Variants in ADCY2 observed in about 807,000 individuals in gnomAD.
The protein encoded by ADCY2 is adenylate cyclase 2, also known as adenylate cyclase type 2.
In ADCY2, 31 loss-of-function variants were observed where a neutral mutation model predicts 125.2. That is an observed-to-expected ratio of 0.25 (90% CI 0.19 to 0.33). The LOEUF is 0.33. Ranked by LOEUF, ADCY2 falls within the 10% of genes least tolerant of loss-of-function variation. The pLI is 1.00. For synonymous variants in ADCY2, 512 were observed against 548.4 expected (o/e 0.93, Z 0.93); for missense variants, 904 against 1,418.2 (o/e 0.64, Z 5.82).
chr5:7,732,244 A>G (rs1742125222), intron 14 of ADCY2, among the ~76,000 whole-genome samples: 1 of 152,218 alleles, frequency 6.6e-6, no homozygotes, highest in Non-Finnish European at 1.5e-5. Context: ...AATTTTCAAA[A>G]CTGACCTTTT....
chr5:7,730,996 A>G (rs958479942), intron 14 of ADCY2, among the ~76,000 whole-genome samples: 5 of 152,020 alleles, frequency 3.3e-5, no homozygotes, highest in Non-Finnish European at 5.9e-5. Flanking sequence ...TCGATTGTCT[A>G]TTCTTTCCTC....
intron 7 of ADCY2, among the ~76,000 whole-genome samples, chr5:7,704,555 T>C (rs1381260512): frequency 6.6e-6 from 1 of 152,164 alleles, no homozygotes; most frequent in Admixed American, 6.5e-5. Context: ...TTTCTATAGA[T>C]CATGTAAATT....
At chr5:7,616,449 A>G (rs763868853) in intron 3 of ADCY2, among the ~76,000 whole-genome samples, 23 of 152,138 alleles carry the variant, frequency 1.5e-4, no homozygotes, top group Non-Finnish European at 2.9e-4. Flanking sequence ...GTTGAGTTCT[A>G]TTGTTGGCTT....
intron 4 of ADCY2, among the ~76,000 whole-genome samples, chr5:7,681,065 T>C (rs1740313413): frequency 6.6e-6 from 1 of 152,206 alleles, no homozygotes; most frequent in Non-Finnish European, 1.5e-5. Flanking sequence ...CTGCAGTCAT[T>C]GAGTTACATT....
At position 7,768,466 on chromosome 5, in the gene ADCY2, C is replaced by T. The variant is rs965872378; in HGVS notation, c.2214+1660C>T. On this transcript the variant is annotated intron_variant, in intron 17 of 24. Transcript: ENST00000338316. ...AGAGAGTGCACCGACCAAACAGTCC[C>T]CCTTTCGCATTCACGTGGCACTTTG... is the stretch of plus-strand genomic sequence containing the variant. Among the ~76,000 whole-genome samples, 18 of 152,218 alleles carry T rather than the reference C, an allele frequency of 1.2e-4. No individual in the cohort carries two copies. The East Asian group carries it at 1.9e-3, about 16-fold the overall frequency.
At chr5:7,654,268 T>A (rs1229020841) in intron 4 of ADCY2, 4 of 405,268 alleles carry the variant, frequency 9.9e-6, no homozygotes, top group Non-Finnish European at 2.0e-5. Flanking sequence ...ATGGCCTGTG[T>A]CCTAACAAGA....
intron 2 of ADCY2, 96 bp from the exon 3 acceptor site, chr5:7,520,642 A>G (rs1354477547): frequency 3.7e-6 from 5 of 1,360,612 alleles, no homozygotes; most frequent in African/African-American, 1.4e-5. Flanking sequence ...AGCATGTCTC[A>G]TGCTGTTCTA....
chr5:7,616,907 A>C (rs1252238590), intron 3 of ADCY2, among the ~76,000 whole-genome samples: 1 of 152,156 alleles, frequency 6.6e-6, no homozygotes, highest in East Asian at 1.9e-4. Flanking sequence ...GGAGATTAGG[A>C]CACACAGAGA....
intron 14 of ADCY2, among the ~76,000 whole-genome samples, chr5:7,735,043 C>A (rs1034733057): frequency 6.6e-6 from 1 of 152,136 alleles, no homozygotes; most frequent in African/African-American, 2.4e-5. Flanking sequence ...TTCCCTAATA[C>A]CATCACATTG....
At chr5:7,586,128 A>G (rs538448041) in intron 3 of ADCY2, among the ~76,000 whole-genome samples, 28 of 152,324 alleles carry the variant, frequency 1.8e-4, no homozygotes, top group African/African-American at 6.5e-4. Context: ...AACTTGGCTT[A>G]TATTTTTCCC....
intron 2 of ADCY2, among the ~76,000 whole-genome samples, chr5:7,499,662 T>TATATATATATATAC (rs1488431084): frequency 6.5e-4 from 77 of 118,984 alleles, no homozygotes; most frequent in Middle Eastern, 4.2e-3. Flanking sequence ...TATATATATA[T>TATATATATATATAC]ATATATATAT....
chr5:7,489,081 G>T (rs866431203), intron 2 of ADCY2, among the ~76,000 whole-genome samples: 1 of 152,228 alleles, frequency 6.6e-6, no homozygotes, highest in East Asian at 1.9e-4. Context: ...TTCCTGCCCT[G>T]CCCAGAGCAC....
intron 2 of ADCY2, among the ~76,000 whole-genome samples, chr5:7,431,366 C>G (rs1418824848): frequency 6.6e-6 from 1 of 152,102 alleles, no homozygotes; most frequent in African/African-American, 2.4e-5. Context: ...AACTTCTACT[C>G]TTACCTCACA....
chr5:7,526,044 C>G (rs756476514), intron 3 of ADCY2, among the ~76,000 whole-genome samples: 7 of 152,174 alleles, frequency 4.6e-5, no homozygotes, highest in Non-Finnish European at 7.3e-5. Context: ...GTGTGGCTGC[C>G]CCTCACCTGG....
At chr5:7,704,737 G>A (rs1741206917) in intron 7 of ADCY2, among the ~76,000 whole-genome samples, 1 of 152,062 alleles carries the variant, frequency 6.6e-6, no homozygotes, top group South Asian at 2.1e-4. Context: ...AATTAGCTGG[G>A]CGGTTTGGCG....
chr5:7,403,630 C>G (rs1027538449), intron 1 of ADCY2, among the ~76,000 whole-genome samples: 1 of 152,130 alleles, frequency 6.6e-6, no homozygotes, highest in African/African-American at 2.4e-5. Context: ...TAATTCCATT[C>G]TACTCTCTAT....
chr5:7,786,785 T>G (rs1448481547), intron 19 of ADCY2, among the ~76,000 whole-genome samples: 4 of 152,154 alleles, frequency 2.6e-5, no homozygotes. Context: ...ATGAAGCTGT[T>G]GTTTTGTAGG....
intron 3 of ADCY2, among the ~76,000 whole-genome samples, chr5:7,543,133 A>G (rs977301101): frequency 6.6e-6 from 1 of 152,232 alleles, no homozygotes; most frequent in African/African-American, 2.4e-5. Flanking sequence ...AAAAATATGC[A>G]TATATATGTT....
chr5:7,806,372 C>G (rs2126526360), intron 22 of ADCY2, among the ~76,000 whole-genome samples: 1 of 152,122 alleles, frequency 6.6e-6, no homozygotes, highest in South Asian at 2.1e-4. Flanking sequence ...CTGCCTCAGG[C>G]TCTAAGATGC....
Sources: gnomAD v4.1 joint callset for allele counts (sites outside exome capture counted in the v4.1 genomes callset) on GRCh38, gnomAD v4.1.1 for gene constraint, MANE v1.5 for transcripts, NCBI Gene and HGNC (gene_info 2026-07-23, HGNC 2026-07-21) for gene names.